Variants in FAM124A observed in about 807,000 individuals in gnomAD.
The protein encoded by FAM124A is family with sequence similarity 124 member A, also known as protein FAM124A.
In FAM124A, 23 loss-of-function variants were observed where a neutral mutation model predicts 24.5. The observed-to-expected ratio is 0.94, with a 90% confidence interval of 0.68 to 1.33. The LOEUF is 1.33. Among genes scored for constraint, FAM124A ranks in the 40% most tolerant of loss-of-function variants. FAM124A has a pLI of 0.00. For missense variants in FAM124A, 623 were observed against 722.8 expected, an observed-to-expected ratio of 0.86 and a Z score of 1.58; for synonymous variants, 287 against 314.7, an observed-to-expected ratio of 0.91 and a Z score of 0.93.
In FAM124A at chr13:51,222,400, A is replaced by G; in HGVS notation, c.-102A>G. The G allele has an allele frequency of 9.7e-7, 1 of 1,035,994 alleles. No homozygotes were observed. The highest frequency in any genetic ancestry group is 4.7e-5 in the South Asian group (1 of 21,234). The allele number at this position is 1,035,994 out of a possible 1,614,324, so 64.2% of individuals were successfully genotyped here. ...TGTTTGCCGGCTCCCGGGCCGCCAG[A>G]CGCTCGGAGGGAGCCCGGCCGGCTC... On this transcript the variant is annotated 5_prime_UTR_variant, in exon 1 of 4. Coordinates refer to ENST00000322475, the MANE Select transcript of FAM124A (RefSeq NM_001242312.2).
At chr13:51,271,798 T>C (rs771531247) in intron 3 of FAM124A, among the ~76,000 whole-genome samples, 3 of 152,076 alleles carry the variant, frequency 2.0e-5, no homozygotes, top group Non-Finnish European at 4.4e-5. Flanking sequence ...ACGGTGTGGG[T>C]GGCCAGAGTG....
At chr13:51,228,345 G>T (rs1349767376) in intron 1 of FAM124A, among the ~76,000 whole-genome samples, 1 of 152,068 alleles carries the variant, frequency 6.6e-6, no homozygotes, top group Non-Finnish European at 1.5e-5. Context: ...ATAGACAAGG[G>T]ACTGCATCTA....
Position 51,252,006 on chromosome 13 carries a change from C to G in FAM124A, c.639C>G (p.Asn213Lys). ...ADFCIFPIFS[N>K]LDVDIQFSLK... is the part of the protein sequence containing the mutation. ...TCTGCATCTTCCCTATTTTTTCCAA[C>G]CTGGATGTGGACATCCAGTTCTCCC... The change falls in exon 3 of 4, where the codon AAC becomes AAG. Residue 213 changes from asparagine to lysine, a missense_variant. By Grantham distance (94) the Asn-to-Lys change is moderately conservative. Transcript: ENST00000322475. The G allele has an allele frequency of 6.2e-7, 1 of 1,614,238 alleles. No individual in the cohort carries two copies. Among genetic ancestry groups the G allele is most frequent in the South Asian group, 1.1e-5 (1 of 91,088 alleles).
chr13:51,256,624 C>G (rs1486334036), intron 3 of FAM124A, among the ~76,000 whole-genome samples: 1 of 152,116 alleles, frequency 6.6e-6, no homozygotes, highest in East Asian at 1.9e-4. Context: ...GAGACAGATG[C>G]CACTGGGGAT....
intron 1 of FAM124A, among the ~76,000 whole-genome samples, chr13:51,225,990 T>C (rs1296946815): frequency 1.2e-5 from 1 of 84,532 alleles, no homozygotes. Flanking sequence ...TTTTTTTTTT[T>C]TTTTTTTTTT....
chr13:51,245,784 A>ATAGT (rs1339652944), intron 2 of FAM124A, among the ~76,000 whole-genome samples: 4 of 152,208 alleles, frequency 2.6e-5, no homozygotes, highest in Admixed American at 6.5e-5. Flanking sequence ...ATTAAATGAG[A>ATAGT]TAGTATACAT....
At chr13:51,236,845 CTTCATTTTTTCTTCTG>C (rs1466384147) in intron 2 of FAM124A, among the ~76,000 whole-genome samples, 2 of 151,760 alleles carry the variant, frequency 1.3e-5, no homozygotes, top group African/African-American at 2.4e-5. Flanking sequence ...ATGTTAGAGT[CTTCATTTTTTCTTCTG>C]TGTAAAATAC....
rs59037959 is a variant in FAM124A, at chr13:51,272,416, C to G, written c.835-8034C>G. 3.3e-5 allele frequency among the ~76,000 whole-genome samples: 5 copies of G among 152,078 alleles called. No individual in the cohort carries two copies. Among genetic ancestry groups the G allele is most frequent in the Non-Finnish European group, 7.4e-5 (5 of 68,018 alleles). On this transcript the variant is annotated intron_variant, in intron 3 of 3. Coordinates refer to ENST00000322475, the MANE Select transcript of FAM124A (RefSeq NM_001242312.2). This position sits in a 1 kb window ranked among gnomAD's most constrained non-coding sequence, Gnocchi z 4.2. ...AAGAAAGGAGCAGGAGGGAGATGGCCGGGCTAAATGGGAAACAGTGTCTAT... is the reference window on the plus strand; with the variant it reads ...AAGAAAGGAGCAGGAGGGAGATGGCGGGGCTAAATGGGAAACAGTGTCTAT...
rs748152072 is a variant in FAM124A at position 51,280,444 on chromosome 13, C to T, written c.835-6C>T. 2 of 1,581,480 alleles carry T rather than the reference C, an allele frequency of 1.3e-6. No individual in the cohort carries two copies. The highest frequency in any genetic ancestry group is 1.4e-5 in the African/African-American group (1 of 74,014). On this transcript the variant is annotated splice_polypyrimidine_tract_variant and splice_region_variant and intron_variant, in intron 3 of 3. Coordinates refer to ENST00000322475, the MANE Select transcript of FAM124A (RefSeq NM_001242312.2). The stretch of plus-strand genomic sequence containing the variant: ...GCACTAATGTGATCTGCCTCTCCCC[C>T]CACAGGCACAAAGGGTGCATAAGAA...
intron 3 of FAM124A, among the ~76,000 whole-genome samples, chr13:51,261,995 T>G (rs1954743174): frequency 2.0e-5 from 3 of 152,222 alleles, no homozygotes; most frequent in Admixed American, 2.0e-4. Flanking sequence ...GATTGTTCTG[T>G]GGCATGGCTC....
intron 2 of FAM124A, chr13:51,245,545 T>A (rs1429301603): frequency 2.2e-6 from 1 of 446,490 alleles, no homozygotes; most frequent in Non-Finnish European, 4.0e-6. Flanking sequence ...TGGGGGCTGC[T>A]TTTTTGTTAA....
chr13:51,248,431 G>T (rs982917080), intron 2 of FAM124A, among the ~76,000 whole-genome samples: 1 of 152,192 alleles, frequency 6.6e-6, no homozygotes, highest in Non-Finnish European at 1.5e-5. Flanking sequence ...TGTAAGTACT[G>T]CTGGGTAACA....
At chr13:51,235,929 A>G (rs569792993) in intron 2 of FAM124A, among the ~76,000 whole-genome samples, 1 of 152,220 alleles carries the variant, frequency 6.6e-6, no homozygotes, top group African/African-American at 2.4e-5. Flanking sequence ...GGCACAACTG[A>G]TGGGTGGCTG....
chr13:51,280,335 G>A (rs547884695), intron 3 of FAM124A, 115 bp from the exon 4 acceptor site: 5 of 910,136 alleles, frequency 5.5e-6, no homozygotes, highest in South Asian at 3.7e-5. Flanking sequence ...GGTAATGCTG[G>A]TAATGCTTTA....
intron 2 of FAM124A, among the ~76,000 whole-genome samples, chr13:51,250,318 T>C (rs1954605574): frequency 6.6e-6 from 1 of 152,176 alleles, no homozygotes. Context: ...GCATGTGTTT[T>C]GTAAAGGCAG....
chr13:51,244,965 G>A (rs182482692), intron 2 of FAM124A, among the ~76,000 whole-genome samples: 51 of 152,328 alleles, frequency 3.3e-4, no homozygotes, highest in Admixed American at 2.5e-3. Context: ...AAGTGGCATC[G>A]TTCATCTGGG....
intron 2 of FAM124A, among the ~76,000 whole-genome samples, chr13:51,234,442 C>T (rs1018100020): frequency 2.6e-5 from 4 of 152,146 alleles, no homozygotes; most frequent in Admixed American, 6.5e-5. Flanking sequence ...TATCACTAAG[C>T]GAAAGGTATA....
At chr13:51,270,057 T>G (rs557992744) in intron 3 of FAM124A, among the ~76,000 whole-genome samples, 2 of 152,328 alleles carry the variant, frequency 1.3e-5, no homozygotes, top group East Asian at 3.9e-4. Context: ...CTGTTTACTC[T>G]GGGTTCTTCC....
chr13:51,261,302 G>A (rs1954734462), intron 3 of FAM124A, among the ~76,000 whole-genome samples: 2 of 152,176 alleles, frequency 1.3e-5, no homozygotes, highest in South Asian at 4.1e-4. Flanking sequence ...ACCTGGGGAA[G>A]TGATACTAAT....
Sources: gnomAD v4.1 joint callset for allele counts (sites outside exome capture counted in the v4.1 genomes callset) on GRCh38, gnomAD v4.1.1 for gene constraint, Gnocchi (gnomAD v3.1) non-coding constraint, MANE v1.5 for transcripts, NCBI Gene and HGNC (gene_info 2026-07-23, HGNC 2026-07-21) for gene names.